SNTG2: variants seen among roughly 807,000 people sequenced by gnomAD.
SNTG2 encodes the protein gamma-2-syntrophin.
SNTG2 carries 74 observed loss-of-function variants against 70.9 expected under a neutral mutation model. The observed-to-expected ratio is 1.04, with a 90% confidence interval of 0.86 to 1.27. The LOEUF (loss-of-function observed/expected upper bound fraction) is 1.27. SNTG2 is among the 50% of genes most tolerant of loss of function. The pLI is 0.00. For missense variants in SNTG2, 717 were observed against 690.7 expected (o/e 1.04, Z -0.43); for synonymous variants, 278 against 273.8 (o/e 1.02, Z -0.15).
intron 16 of SNTG2, among the ~76,000 whole-genome samples, chr2:1,347,997 T>C (rs1660384985): frequency 2.0e-5 from 3 of 152,016 alleles, no homozygotes; most frequent in Admixed American, 1.3e-4. Flanking sequence ...GGTCCTTTTG[T>C]AACTGCAGCT....
intron 4 of SNTG2, among the ~76,000 whole-genome samples, chr2:1,128,903 G>A (rs1667861901): frequency 6.6e-6 from 1 of 152,026 alleles, no homozygotes; most frequent in Non-Finnish European, 1.5e-5. Context: ...AATGAAATCT[G>A]CATTTTTGAC....
At chr2:1,169,569 C>T (rs556776391) in intron 7 of SNTG2, among the ~76,000 whole-genome samples, 1 of 152,186 alleles carries the variant, frequency 6.6e-6, no homozygotes, top group Non-Finnish European at 1.5e-5. Flanking sequence ...GCAGCTCTTG[C>T]AATTCTAGTG....
intron 1 of SNTG2, among the ~76,000 whole-genome samples, chr2:969,871 T>G (rs1354229958): frequency 6.6e-6 from 1 of 152,232 alleles, no homozygotes; most frequent in Non-Finnish European, 1.5e-5. Context: ...TCTTGCCTAA[T>G]TGCTCTGGCT....
intron 14 of SNTG2, among the ~76,000 whole-genome samples, chr2:1,289,880 C>T (rs924940439): frequency 2.0e-5 from 3 of 152,202 alleles, no homozygotes; most frequent in Non-Finnish European, 4.4e-5. Flanking sequence ...TGAGCAGACT[C>T]GTGCAGTGTC....
intron 1 of SNTG2, among the ~76,000 whole-genome samples, chr2:1,011,537 G>GT (rs994069086): frequency 1.3e-5 from 2 of 152,102 alleles, no homozygotes; most frequent in African/African-American, 4.8e-5. Flanking sequence ...TAGTTCTATT[G>GT]TTTTTTCTTT....
chr2:1,179,507 A>G (rs1031083933), intron 8 of SNTG2, among the ~76,000 whole-genome samples: 1 of 152,118 alleles, frequency 6.6e-6, no homozygotes, highest in Non-Finnish European at 1.5e-5. Flanking sequence ...TCCAACTTAC[A>G]AGGGATGTGA....
At chr2:1,297,818 C>T (rs1003387399) in intron 14 of SNTG2, among the ~76,000 whole-genome samples, 13 of 152,202 alleles carry the variant, frequency 8.5e-5, no homozygotes, top group African/African-American at 2.9e-4. Flanking sequence ...GATTTAGTCT[C>T]CTAGGAGACT....
rs115242970 is a variant in SNTG2, at chr2:952,227, A to T, written c.72+1159A>T. On this transcript the variant is annotated intron_variant, in intron 1 of 16. Coordinates refer to ENST00000308624, the MANE Select transcript of SNTG2 (RefSeq NM_018968.4). The stretch of plus-strand genomic sequence containing the variant: ...ATCAAACCCGAGAAAATATGCGGGG[A>T]TTACCTGGAAATAAACCGCAGTAAA... Among the ~76,000 whole-genome samples, 1,182 of 152,220 alleles carry T rather than the reference A, an allele frequency of 7.8e-3. 14 individuals are homozygous for T. The highest frequency in any genetic ancestry group is 0.026 in the African/African-American group (1,080 of 41,524).
At chr2:1,292,540 G>A (rs1363558266) in intron 14 of SNTG2, among the ~76,000 whole-genome samples, 1 of 152,086 alleles carries the variant, frequency 6.6e-6, no homozygotes, top group African/African-American at 2.4e-5. Context: ...TTTGTTGGGT[G>A]TTTTATATCA....
At chr2:1,186,253 A>G (rs1672244373) in intron 8 of SNTG2, among the ~76,000 whole-genome samples, 1 of 152,174 alleles carries the variant, frequency 6.6e-6, no homozygotes, top group Admixed American at 6.5e-5. Context: ...GACTTCATTC[A>G]CTATCAGCAT....
chr2:1,149,217 G>GACACACAC (rs142450306), intron 6 of SNTG2, among the ~76,000 whole-genome samples: 19,543 of 148,918 alleles, frequency 0.13, 1,736 homozygotes, highest in East Asian at 0.43. Flanking sequence ...GTGAGAGAGA[G>GACACACAC]ACACACACAC....
chr2:1,357,047 ATTAG>A (rs1013318016), intron 16 of SNTG2, among the ~76,000 whole-genome samples: 7 of 151,806 alleles, frequency 4.6e-5, no homozygotes, highest in Middle Eastern at 3.4e-3. Context: ...ATTTTTGTTT[ATTAG>A]TTCTAATTTT....
intron 1 of SNTG2, among the ~76,000 whole-genome samples, chr2:1,007,317 C>A (rs575846210): frequency 6.6e-6 from 1 of 152,260 alleles, no homozygotes; most frequent in East Asian, 1.9e-4. Context: ...TAAATCACGT[C>A]TCTAAACTTG....
rs184987319 is a variant in SNTG2, at chr2:1,086,313, G to A, written c.210+2658G>A. Among the ~76,000 whole-genome samples the A allele has an allele frequency of 1.2e-3, 187 of 152,278 alleles. 1 individual carries two copies. The highest frequency in any genetic ancestry group is 4.0e-4 in the Non-Finnish European group (27 of 68,024). On this transcript the variant is annotated intron_variant, in intron 2 of 16. Coordinates refer to ENST00000308624, the MANE Select transcript of SNTG2 (RefSeq NM_018968.4). ...GAGGAAGACACGGGCTCGCTCTCTC[G>A]CTCTCTCTGTCTCTCTCTCTCCTGC...
intron 6 of SNTG2, among the ~76,000 whole-genome samples, chr2:1,142,302 A>G (rs1330481217): frequency 1.3e-5 from 2 of 152,182 alleles, no homozygotes; most frequent in East Asian, 3.9e-4. Context: ...CCTGCCACCC[A>G]TGAAGGGAAC....
chr2:1,300,584 A>G (rs1680418219), intron 14 of SNTG2, among the ~76,000 whole-genome samples: 1 of 152,062 alleles, frequency 6.6e-6, no homozygotes, highest in Admixed American at 6.6e-5. Context: ...ACCTGTGCCC[A>G]TGTGATTTCT....
chr2:961,322 T>C (rs2147945849), intron 1 of SNTG2, among the ~76,000 whole-genome samples: 1 of 152,222 alleles, frequency 6.6e-6, no homozygotes, highest in Middle Eastern at 3.4e-3. Context: ...TTTCTGGCTT[T>C]TTAATATATT....
At chr2:1,100,760 T>G (rs1345672064) in intron 4 of SNTG2, among the ~76,000 whole-genome samples, 2 of 147,872 alleles carry the variant, frequency 1.4e-5, no homozygotes, top group East Asian at 1.9e-4. Context: ...CATTAATGGG[T>G]TTTTTTTTAA....
chr2:1,241,898 T>C (rs779952453), intron 11 of SNTG2, among the ~76,000 whole-genome samples: 30 of 152,324 alleles, frequency 2.0e-4, no homozygotes, highest in Non-Finnish European at 3.5e-4. Context: ...CTGATAACCC[T>C]GACCAAACCC....
Sources: allele counts gnomAD v4.1 joint callset (sites outside exome capture counted in the v4.1 genomes callset), GRCh38; gene constraint gnomAD v4.1.1; transcripts MANE v1.5; gene names NCBI Gene and HGNC (gene_info 2026-07-23, HGNC 2026-07-21).